The following CEP126 variants were observed in gnomAD, a reference collection of about 807,000 sequenced individuals.
CEP126 encodes centrosomal protein of 126 kDa.
A neutral mutation model predicts 107.8 loss-of-function variants in CEP126; 74 were observed. The ratio of observed to expected loss-of-function variants is 0.69; its 90% CI spans 0.57 to 0.83. The LOEUF (loss-of-function observed/expected upper bound fraction) is 0.83. Among genes scored for constraint, CEP126 ranks in the 40% least tolerant of loss-of-function variants. CEP126 has a pLI of 0.00. For missense variants in CEP126, 1,237 were observed against 1,281.9 expected, an observed-to-expected ratio of 0.96 and a Z score of 0.53; for synonymous variants, 449 against 446.0, an observed-to-expected ratio of 1.01 and a Z score of -0.08.
chr11:101,986,726 G>C, intron 8 of CEP126, 106 bp from the exon 9 acceptor site: 1 of 729,530 alleles, frequency 1.4e-6, no homozygotes, highest in Non-Finnish European at 2.3e-6. Context: ...CTTGTAATAT[G>C]AATACATACA....
At position 101,963,409 on chromosome 11, in the gene CEP126, C is replaced by G; in HGVS notation, c.2374C>G (p.Gln792Glu). ...QSASKVNIFT[Q>E]AQGKLIIPCP... is the part of the protein sequence containing the mutation. ...TGCAAGCAAAGTCAACATATTTACACAAGCTCAGGGAAAATTAATTATACC... is the reference window on the plus strand; with the variant it reads ...TGCAAGCAAAGTCAACATATTTACAGAAGCTCAGGGAAAATTAATTATACC... The change falls in exon 6 of 11, where the codon CAA becomes GAA. Residue 792 changes from glutamine (Q) to glutamate (E), a missense_variant. Physicochemically the swap from Gln to Glu is conservative, Grantham distance 29. This residue lies in a region of CEP126 where 1,134 missense variants were observed against 1,150.5 expected (regional missense o/e 0.99). Coordinates refer to ENST00000263468, the MANE Select transcript of CEP126 (RefSeq NM_020802.4). 1 of 1,614,132 alleles carries G rather than the reference C, an allele frequency of 6.2e-7. No individual in the cohort carries two copies. The highest frequency in any genetic ancestry group is 8.5e-7 in the Non-Finnish European group (1 of 1,180,006).
intron 1 of CEP126, among the ~76,000 whole-genome samples, chr11:101,918,208 G>A (rs1382324026): frequency 1.3e-5 from 2 of 152,162 alleles, no homozygotes; most frequent in Non-Finnish European, 2.9e-5. Context: ...AGCACTTTGG[G>A]AGGCCGAGGT....
intron 6 of CEP126, among the ~76,000 whole-genome samples, chr11:101,971,782 C>G (rs754587864): frequency 1.7e-4 from 26 of 152,164 alleles, no homozygotes; most frequent in South Asian, 4.1e-4. Context: ...ATAAGAGAAC[C>G]CTGTACCCAC....
chr11:101,938,526 C>G (rs888507949), intron 2 of CEP126, among the ~76,000 whole-genome samples: 1 of 151,306 alleles, frequency 6.6e-6, no homozygotes, highest in Non-Finnish European at 1.5e-5. Flanking sequence ...TGATTTTAAA[C>G]CTTTCCCCTT....
chr11:101,941,945 C>T (rs1940670783), intron 2 of CEP126, among the ~76,000 whole-genome samples: 1 of 151,906 alleles, frequency 6.6e-6, no homozygotes, highest in Non-Finnish European at 1.5e-5. Context: ...ATTTGTATAT[C>T]TTCTTTAGAG....
intron 2 of CEP126, among the ~76,000 whole-genome samples, chr11:101,943,255 T>C (rs1048845400): frequency 6.6e-6 from 1 of 152,028 alleles, no homozygotes; most frequent in African/African-American, 2.4e-5. Flanking sequence ...ATTCTACCTA[T>C]CTCCTATGTT....
intron 2 of CEP126, among the ~76,000 whole-genome samples, chr11:101,931,482 T>C (rs1001575202): frequency 5.3e-5 from 8 of 152,200 alleles, no homozygotes; most frequent in Non-Finnish European, 1.0e-4. Flanking sequence ...TGGGTTTAGT[T>C]CTATTATAGG....
chr11:101,978,440 A>C lies in CEP126; in HGVS notation c.2939A>C (p.Lys980Thr). The change falls in exon 7 of 11, where the codon AAG (lysine) becomes ACG (threonine). Residue 980 changes from lysine (K) to threonine (T), a missense_variant. Lys to Thr is a moderately conservative substitution (Grantham distance 78, BLOSUM62 -1). Transcript: ENST00000263468. ...CAAAACCCTGGATCTGTAGGACAGA[A>C]GTACAGTGAGCAAATTAATGTAAGT... ...KRQNPGSVGQ[K>T]YSEQINNFGQ... 6.2e-7 allele frequency: 1 copy of C among 1,604,176 alleles called. No individual in the cohort carries two copies. The highest frequency in any genetic ancestry group is 8.5e-7 in the Non-Finnish European group (1 of 1,171,630).
At chr11:101,989,360 T>G (rs1269452323) in intron 9 of CEP126, among the ~76,000 whole-genome samples, 6 of 152,146 alleles carry the variant, frequency 3.9e-5, no homozygotes, top group Admixed American at 3.9e-4. Context: ...TCGTAACATG[T>G]TTAGCAGCAT....
chr11:101,961,705 T>G (rs1940971149), intron 5 of CEP126, 36 bp from the exon 6 acceptor site: 2 of 1,228,376 alleles, frequency 1.6e-6, no homozygotes, highest in South Asian at 1.5e-5. Flanking sequence ...ATTTAAAAGT[T>G]TATAAGCTAT....
rs777950647 is a variant in CEP126 at position 101,956,498 on chromosome 11, C to T, written c.507-1670C>T. 21 of 456,602 alleles carry T rather than the reference C, an allele frequency of 4.6e-5. No homozygotes were observed. In the East Asian group the frequency reaches 9.7e-4, roughly 21 times the overall value. 28.3% of individuals were successfully genotyped at this position (456,602 alleles called of 1,614,324 possible). ...TCATCCACCAGCCTCAGTTCTCTCCCTTGCATCTCCCTGTCATTCTCCATC... is the reference window on the plus strand; with the variant it reads ...TCATCCACCAGCCTCAGTTCTCTCCTTTGCATCTCCCTGTCATTCTCCATC... On this transcript the variant is annotated intron_variant, in intron 4 of 10. Coordinates refer to ENST00000263468, the MANE Select transcript of CEP126 (RefSeq NM_020802.4).
At chr11:101,996,246 C>A (rs1941439739) in intron 10 of CEP126, among the ~76,000 whole-genome samples, 5 of 152,200 alleles carry the variant, frequency 3.3e-5, no homozygotes, top group Admixed American at 3.3e-4. Context: ...CCCCAGCAAG[C>A]TCCCCCTTCA....
intron 4 of CEP126, among the ~76,000 whole-genome samples, chr11:101,949,767 A>G (rs2137100493): frequency 6.6e-6 from 1 of 152,268 alleles, no homozygotes; most frequent in Admixed American, 6.5e-5. Context: ...TAAGTAAGGG[A>G]CTATAAAACC....
intron 2 of CEP126, among the ~76,000 whole-genome samples, chr11:101,941,833 A>G (rs530974118): frequency 2.0e-5 from 3 of 152,228 alleles, no homozygotes; most frequent in African/African-American, 7.2e-5. Context: ...TTTTTTAAAT[A>G]ATAGTCATCC....
chr11:101,930,840 C>A (rs1345674101), intron 2 of CEP126, among the ~76,000 whole-genome samples: 1 of 152,138 alleles, frequency 6.6e-6, no homozygotes, highest in Non-Finnish European at 1.5e-5. Context: ...CAAATATTTT[C>A]AATCCAGGGT....
intron 1 of CEP126, among the ~76,000 whole-genome samples, chr11:101,922,288 C>T (rs1372825210): frequency 6.6e-6 from 1 of 151,964 alleles, no homozygotes; most frequent in East Asian, 1.9e-4. Context: ...CCTCAGCCTC[C>T]CAAGTAGCTG....
intron 2 of CEP126, among the ~76,000 whole-genome samples, chr11:101,941,324 C>A (rs1940660688): frequency 6.6e-6 from 1 of 152,086 alleles, no homozygotes. Context: ...CAGCTGGTAA[C>A]CCCCATTCTA....
chr11:101,997,619 C>T lies in CEP126; in HGVS notation c.3330C>T (p.Thr1110=). The part of the protein sequence containing the change: ...IPLLEKREDR[T]SSCRDKR ...TCCAGGAGAAGAGAGAAGATAGAACCAGCAGCTGCAGAGACAAGAGATAAT... is the reference window on the plus strand; with the variant it reads ...TCCAGGAGAAGAGAGAAGATAGAACTAGCAGCTGCAGAGACAAGAGATAAT... The change falls in exon 11 of 11, where the codon ACC becomes ACT. Residue 1110 remains threonine (T), a synonymous_variant. Transcript: ENST00000263468. 6.2e-7 allele frequency: 1 copy of T among 1,613,780 alleles called. No homozygotes were observed. Among genetic ancestry groups the T allele is most frequent in the Non-Finnish European group, 8.5e-7 (1 of 1,179,814 alleles).
chr11:101,963,688 A>G lies in CEP126; in HGVS notation c.2653A>G (p.Thr885Ala). The change falls in exon 6 of 11, where the codon ACT (threonine) becomes GCT (alanine). Residue 885 changes from threonine (T) to alanine (A), a missense_variant. Thr to Ala is a moderately conservative substitution (Grantham distance 58, BLOSUM62 0). Coordinates refer to ENST00000263468, the MANE Select transcript of CEP126 (RefSeq NM_020802.4). ...ATCATATTGTTCTTCAGAGTGCCAA[A>G]CTTTCGCAAAAATAAATCATTCAAA... ...LPSYCSSECQ[T>A]FAKINHSNGT... 6.2e-7 allele frequency: 1 copy of G among 1,614,126 alleles called. No homozygotes were observed. The highest frequency in any genetic ancestry group is 8.5e-7 in the Non-Finnish European group (1 of 1,180,046).
Sources: allele counts gnomAD v4.1 joint callset (sites outside exome capture counted in the v4.1 genomes callset), GRCh38; gene constraint gnomAD v4.1.1; regional missense constraint gnomAD v4.1.1; transcripts MANE v1.5; gene names NCBI Gene and HGNC (gene_info 2026-07-23, HGNC 2026-07-21).